The following SVIL variants were observed in gnomAD, a reference collection of about 807,000 sequenced individuals.
SVIL encodes supervillin, also known as archvillin.
Under a neutral mutation model 240.4 loss-of-function variants are expected in SVIL, and 101 were observed. The observed-to-expected ratio is 0.42, with a 90% CI of 0.36 to 0.50. The LOEUF is 0.50. Among genes scored for constraint, SVIL ranks in the 20% least tolerant of loss-of-function variants. The probability of loss-of-function intolerance (pLI) is 0.01; values close to 1 mark genes in which losing one functional copy is unlikely to be tolerated. For synonymous variants in SVIL, 999 were observed against 1,100.0 expected (o/e 0.91, Z 1.82); for missense variants, 2,512 against 2,818.7 (o/e 0.89, Z 2.46).
chr10:29,503,023 GC>G (rs1347228699), intron 17 of SVIL, among the ~76,000 whole-genome samples: 9 of 152,262 alleles, frequency 5.9e-5, no homozygotes, highest in Admixed American at 5.9e-4. Context: ...TTGTGACCTG[GC>G]TTTTAAAATT....
intron 1 of SVIL, among the ~76,000 whole-genome samples, chr10:29,571,214 C>G (rs1376990353): frequency 1.3e-5 from 2 of 152,248 alleles, no homozygotes; most frequent in East Asian, 3.8e-4. Flanking sequence ...TGGAATAGCT[C>G]AGACCCCATA....
chr10:29,533,634 T>C (rs1383574672), intron 7 of SVIL, among the ~76,000 whole-genome samples, 176 bp from the exon 8 acceptor site: 1 of 152,180 alleles, frequency 6.6e-6, no homozygotes, highest in East Asian at 1.9e-4. Context: ...GAGTTGAGTT[T>C]CCAATTTGCA....
chr10:29,495,940 A>G (rs1166595243), intron 18 of SVIL, among the ~76,000 whole-genome samples: 1 of 152,222 alleles, frequency 6.6e-6, no homozygotes, highest in Admixed American at 6.5e-5. Flanking sequence ...GGCATTGGAA[A>G]GAAAACTGAT....
chr10:29,725,747 G>C (rs554706234), intron 1 of SVIL, among the ~76,000 whole-genome samples: 1 of 152,196 alleles, frequency 6.6e-6, no homozygotes, highest in East Asian at 1.9e-4. Context: ...CTCAGCAGAG[G>C]GAAAAGAAAG....
chr10:29,660,846 G>A (rs1959136685), intron 2 of SVIL, among the ~76,000 whole-genome samples: 1 of 152,110 alleles, frequency 6.6e-6, no homozygotes, highest in Non-Finnish European at 1.5e-5. Context: ...GTGAAATCAT[G>A]AGCTCAGGGA....
intron 1 of SVIL, among the ~76,000 whole-genome samples, chr10:29,688,281 T>C (rs1021558000): frequency 6.6e-6 from 1 of 152,224 alleles, no homozygotes; most frequent in Non-Finnish European, 1.5e-5. Context: ...GGATGATTGA[T>C]GGCTTAGCTC....
At chr10:29,523,066 A>C (rs1950665110) in intron 15 of SVIL, among the ~76,000 whole-genome samples, 1 of 152,230 alleles carries the variant, frequency 6.6e-6, no homozygotes, top group Non-Finnish European at 1.5e-5. Context: ...ACAGGCATGC[A>C]GGAAGAAGCA....
At chr10:29,507,266 A>G (rs1949435097) in intron 17 of SVIL, among the ~76,000 whole-genome samples, 1 of 152,122 alleles carries the variant, frequency 6.6e-6, no homozygotes, top group Non-Finnish European at 1.5e-5. Context: ...TGAGTAGGAC[A>G]ACATCCTCAC....
At chr10:29,529,197 A>G (rs932661855) in intron 12 of SVIL, among the ~76,000 whole-genome samples, 37 of 150,554 alleles carry the variant, frequency 2.5e-4, no homozygotes, top group African/African-American at 6.8e-4. Flanking sequence ...AAAAAAAAAA[A>G]AAAAAAGAAA....
Position 29,607,844 on chromosome 10 carries a change from T to A in SVIL, c.-201+26576A>T, listed in dbSNP as rs138661125. 2.5e-3 allele frequency among the ~76,000 whole-genome samples: 375 copies of A among 152,326 alleles called. 8 individuals carry two copies. Among genetic ancestry groups the A allele is most frequent in the Admixed American group, 0.023 (358 of 15,300 alleles). ...CCTTCACGGGCAAGGCTCAAGGAGC[T>A]GGGAACCTGGAGTAAGAAGAAGATG... On this transcript the variant is annotated intron_variant, in intron 1 of 37. Coordinates refer to ENST00000355867, the MANE Select transcript of SVIL (RefSeq NM_021738.3).
chr10:29,571,446 T>C (rs1368087494), intron 1 of SVIL, among the ~76,000 whole-genome samples: 1 of 152,128 alleles, frequency 6.6e-6, no homozygotes, highest in African/African-American at 2.4e-5. Context: ...GAGACCCTCG[T>C]GTATTGGGAA....
intron 1 of SVIL, among the ~76,000 whole-genome samples, chr10:29,580,771 A>G (rs770920452): frequency 6.6e-6 from 1 of 152,176 alleles, no homozygotes; most frequent in Non-Finnish European, 1.5e-5. Flanking sequence ...GGCTTAAGCC[A>G]TCCTTCTACC....
intron 2 of SVIL, among the ~76,000 whole-genome samples, chr10:29,663,297 T>C (rs1406989080): frequency 6.6e-6 from 1 of 152,216 alleles, no homozygotes; most frequent in Non-Finnish European, 1.5e-5. Context: ...TAAGTAAACA[T>C]CGGTAGTTTC....
chr10:29,707,742 T>C (rs1962991446), intron 1 of SVIL, among the ~76,000 whole-genome samples: 1 of 152,206 alleles, frequency 6.6e-6, no homozygotes, highest in Admixed American at 6.5e-5. Flanking sequence ...TAGCTGAAGC[T>C]ATCTTTAAAA....
rs564020364 is a variant in SVIL, at chr10:29,460,409, G to A, written c.6403-1820C>T. Among the ~76,000 whole-genome samples the A allele has an allele frequency of 1.1e-4, 17 of 152,198 alleles. No homozygotes were observed. The South Asian group carries it at 1.2e-3, about 11-fold the overall frequency. Reference sequence around the variant, plus strand: ...GGCCTGCACAACAGTAAATGGCCCCGCTGCTAACCCCCAAGATCTATAGTG... The same window carrying A: ...GGCCTGCACAACAGTAAATGGCCCCACTGCTAACCCCCAAGATCTATAGTG... On this transcript the variant is annotated intron_variant, in intron 36 of 37. Transcript: ENST00000355867.
chr10:29,588,646 C>T (rs1956265392), intron 1 of SVIL, among the ~76,000 whole-genome samples: 1 of 152,194 alleles, frequency 6.6e-6, no homozygotes, highest in African/African-American at 2.4e-5. Context: ...AAAATAGAAC[C>T]TTGGGAACCC....
chr10:29,542,393 A>G (rs1277688040), intron 6 of SVIL, among the ~76,000 whole-genome samples: 1 of 152,224 alleles, frequency 6.6e-6, no homozygotes. Flanking sequence ...AATCATCCTT[A>G]CCAGACTTAC....
chr10:29,648,305 G>A (rs1307234185), intron 3 of SVIL, among the ~76,000 whole-genome samples: 3 of 152,174 alleles, frequency 2.0e-5, no homozygotes, highest in Non-Finnish European at 2.9e-5. Context: ...TTTTGGGGCC[G>A]AGGTTTGTGA....
chr10:29,648,004 GAA>G (rs200774439), intron 3 of SVIL, among the ~76,000 whole-genome samples: 4 of 114,472 alleles, frequency 3.5e-5, no homozygotes, highest in Admixed American at 8.9e-5. Flanking sequence ...ATCATTACCA[GAA>G]AAAAAAAAAA....
Sources: gnomAD v4.1 joint callset for allele counts (sites outside exome capture counted in the v4.1 genomes callset) on GRCh38, gnomAD v4.1.1 for gene constraint, MANE v1.5 for transcripts, NCBI Gene and HGNC (gene_info 2026-07-23, HGNC 2026-07-21) for gene names.